Variants in PCDHA11 observed in about 807,000 individuals in gnomAD.
The protein encoded by PCDHA11 is protocadherin alpha-11.
In PCDHA11, 61 loss-of-function variants were observed where a neutral mutation model predicts 70.3. That is an observed-to-expected ratio of 0.87 (90% CI 0.71 to 1.07). PCDHA11 has a LOEUF of 1.07. Ranked by LOEUF, PCDHA11 falls within the 50% of genes least tolerant of loss-of-function variation. The pLI, the probability that PCDHA11 is intolerant of heterozygous loss-of-function variation, is 0.00. For missense variants in PCDHA11, 1,324 were observed against 1,237.5 expected, an observed-to-expected ratio of 1.07 and a Z score of -1.05; for synonymous variants, 633 against 555.1, an observed-to-expected ratio of 1.14 and a Z score of -1.97.
At chr5:140,882,558 G>C (rs782792864) in intron 1 of PCDHA11, 3 of 1,614,130 alleles carry the variant, frequency 1.9e-6, no homozygotes, top group African/African-American at 1.3e-5. Flanking sequence ...GAGCTGTGTG[G>C]GCGGAGCGCG....
At chr5:140,957,134 T>C (rs2095335911) in intron 1 of PCDHA11, among the ~76,000 whole-genome samples, 1 of 152,210 alleles carries the variant, frequency 6.6e-6, no homozygotes, top group Admixed American at 6.5e-5. Flanking sequence ...TACTACACTA[T>C]GAACTAAAAA....
At chr5:140,899,402 G>C (rs1465071147) in intron 1 of PCDHA11, among the ~76,000 whole-genome samples, 20 of 152,122 alleles carry the variant, frequency 1.3e-4, no homozygotes, top group East Asian at 7.7e-4. Flanking sequence ...TAGCATGAAG[G>C]GTTGTTGAAT....
chr5:140,916,003 A>G (rs971043760), intron 1 of PCDHA11, among the ~76,000 whole-genome samples: 1 of 152,146 alleles, frequency 6.6e-6, no homozygotes, highest in Non-Finnish European at 1.5e-5. Context: ...CACTCAAACC[A>G]CAAGACAAAG....
At chr5:140,987,314 G>A (rs1554249065) in intron 3 of PCDHA11, among the ~76,000 whole-genome samples, 1 of 152,126 alleles carries the variant, frequency 6.6e-6, no homozygotes, top group Non-Finnish European at 1.5e-5. Flanking sequence ...CCAATGTACT[G>A]TGAAGTTTTA....
chr5:140,887,835 C>A (rs2061600577), intron 1 of PCDHA11, among the ~76,000 whole-genome samples: 1 of 152,106 alleles, frequency 6.6e-6, no homozygotes, highest in Admixed American at 6.6e-5. Context: ...TTTTGAATAT[C>A]TTTTATTGAC....
intron 3 of PCDHA11, among the ~76,000 whole-genome samples, chr5:140,987,224 A>T (rs28567024): frequency 4.6e-5 from 7 of 152,044 alleles, no homozygotes; most frequent in East Asian, 1.9e-4. Context: ...AAAAAAAAAA[A>T]AAATAATAAA....
chr5:140,884,839 G>A lies in PCDHA11; in HGVS notation c.2391+13345G>A, dbSNP rs180730260. Reference sequence around the variant, plus strand: ...ACATTATGTGTTGGATTATCCTTCAGAGTGAAATCTTAACTCACAAACCAT... The same window carrying A: ...ACATTATGTGTTGGATTATCCTTCAAAGTGAAATCTTAACTCACAAACCAT... On this transcript the variant is annotated intron_variant, in intron 1 of 3. Coordinates refer to ENST00000398640, the MANE Select transcript of PCDHA11 (RefSeq NM_018902.5). 2.5e-3 allele frequency: 2,207 copies of A among 893,274 alleles called. 7 individuals are homozygous for A. Among genetic ancestry groups the A allele is most frequent in the Middle Eastern group, 9.3e-3 (26 of 2,802 alleles). 55.3% of individuals were successfully genotyped at this position (893,274 alleles called of 1,614,324 possible). A position where few individuals can be genotyped will look rare whatever the true frequency, so the allele number is the denominator to read the frequency against.
intron 3 of PCDHA11, among the ~76,000 whole-genome samples, chr5:140,992,995 A>C (rs1347087034): frequency 2.0e-5 from 3 of 152,202 alleles, no homozygotes; most frequent in African/African-American, 7.2e-5. Context: ...GACCCATGAA[A>C]GAGCCTCCCC....
At chr5:140,926,613 C>T (rs868988407) in intron 1 of PCDHA11, 87 of 374,818 alleles carry the variant, frequency 2.3e-4, no homozygotes, top group Middle Eastern at 2.1e-3. Context: ...GTCTCTGCAC[C>T]CCTAGGCGGC....
chr5:140,947,987 C>G (rs1554218389), intron 1 of PCDHA11, among the ~76,000 whole-genome samples: 1 of 144,778 alleles, frequency 6.9e-6, no homozygotes, highest in African/African-American at 2.6e-5. Context: ...AGGTTTTTCC[C>G]AAATACTTTA....
At chr5:140,985,138 C>T (rs972329850) in intron 3 of PCDHA11, among the ~76,000 whole-genome samples, 3 of 152,016 alleles carry the variant, frequency 2.0e-5, no homozygotes, top group Non-Finnish European at 2.9e-5. Flanking sequence ...GGGGTTTCAC[C>T]GTGTTAGCCA....
intron 1 of PCDHA11, among the ~76,000 whole-genome samples, chr5:140,963,268 T>C (rs1329086504): frequency 6.6e-6 from 1 of 152,042 alleles, no homozygotes; most frequent in African/African-American, 2.4e-5. Flanking sequence ...GACTTTGAAA[T>C]GTATGTAAGA....
At chr5:140,938,333 T>G (rs2092022298) in intron 1 of PCDHA11, among the ~76,000 whole-genome samples, 1 of 152,248 alleles carries the variant, frequency 6.6e-6, no homozygotes, top group Non-Finnish European at 1.5e-5. Context: ...GTAATGTTAA[T>G]GGATAATCTT....
Position 140,869,488 on chromosome 5 carries a change from A to C in PCDHA11, c.385A>C (p.Asn129His). 6.2e-7 allele frequency: 1 copy of C among 1,614,132 alleles called. No homozygotes were observed. The part of the protein sequence containing the change: ...VNVEVKDIND[N>H]PPVFSLREQK... ...CGTGGAGGTGAAGGACATTAACGAC[A>C]ACCCGCCGGTGTTCTCGCTCAGAGA... The change falls in exon 1 of 4, where the codon AAC (asparagine) becomes CAC (histidine). Residue 129 changes from asparagine to histidine, a missense_variant. By Grantham distance (68) the Asn-to-His change is moderately conservative. Transcript: ENST00000398640.
intron 1 of PCDHA11, among the ~76,000 whole-genome samples, chr5:140,976,227 T>C (rs2096706900): frequency 6.6e-6 from 1 of 152,050 alleles, no homozygotes; most frequent in East Asian, 1.9e-4. Context: ...AGAAGAAAAA[T>C]ATATGTCATT....
Position 140,982,458 on chromosome 5 carries a change from T to C in PCDHA11, c.2451-17T>C, listed in dbSNP as rs1554244201. 1 of 1,613,996 alleles carries C rather than the reference T, an allele frequency of 6.2e-7. No homozygotes were observed. Among genetic ancestry groups the C allele is most frequent in the Non-Finnish European group, 8.5e-7 (1 of 1,179,964 alleles). ...ATTTATGATCTAACCGTTATCTGGG[T>C]CTGTGTGTTTATTCAGCTCTGTGCA... On this transcript the variant is annotated splice_polypyrimidine_tract_variant and intron_variant, in intron 2 of 3. Transcript: ENST00000398640.
At chr5:140,926,340 C>G (rs2083154977) in intron 1 of PCDHA11, 1 of 152,400 alleles carries the variant, frequency 6.6e-6, no homozygotes, top group Non-Finnish European at 1.5e-5. Flanking sequence ...GCGCCGGGAC[C>G]CGACGCGCGG....
intron 1 of PCDHA11, among the ~76,000 whole-genome samples, chr5:140,961,335 A>G (rs548773476): frequency 1.6e-4 from 24 of 152,322 alleles, no homozygotes; most frequent in African/African-American, 5.8e-4. Context: ...TGAGAGACCA[A>G]GAGTGGATCC....
intron 1 of PCDHA11, among the ~76,000 whole-genome samples, chr5:140,939,081 G>A (rs547616686): frequency 1.3e-5 from 2 of 152,222 alleles, no homozygotes; most frequent in African/African-American, 2.4e-5. Context: ...GCATAAACTG[G>A]GTGGCTTAAA....
Sources: allele counts gnomAD v4.1 joint callset (sites outside exome capture counted in the v4.1 genomes callset), GRCh38; gene constraint gnomAD v4.1.1; transcripts MANE v1.5; gene names NCBI Gene and HGNC (gene_info 2026-07-23, HGNC 2026-07-21).